Variants in DPF3 observed in about 807,000 individuals in gnomAD.
DPF3 encodes the protein double PHD fingers 3, also known as zinc finger protein DPF3.
In DPF3, 18 loss-of-function variants were observed where a neutral mutation model predicts 56.8. The observed-to-expected ratio is 0.32, with a 90% CI of 0.22 to 0.47. The LOEUF is 0.47. Among genes scored for constraint, DPF3 ranks in the 20% least tolerant of loss-of-function variants. The pLI, the probability that DPF3 is intolerant of heterozygous loss-of-function variation, is 1.00. For missense variants in DPF3, 403 were observed against 488.8 expected (o/e 0.82, Z 1.65); for synonymous variants, 188 against 180.2 (o/e 1.04, Z -0.35).
At chr14:72,656,953 T>C (rs1567191090) in intron 8 of DPF3, among the ~76,000 whole-genome samples, 1 of 152,168 alleles carries the variant, frequency 6.6e-6, no homozygotes, top group African/African-American at 2.4e-5. Context: ...CATGTGCAAC[T>C]AGTAAGAAGG....
At chr14:72,805,928 T>A (rs1027697928) in intron 1 of DPF3, 67 of 152,304 alleles carry the variant, frequency 4.4e-4, no homozygotes, top group African/African-American at 1.6e-3. Context: ...GGGCTCTCTC[T>A]AATGGGGACC....
chr14:72,635,508 A>G (rs554550525), intron 8 of DPF3, among the ~76,000 whole-genome samples: 5 of 152,230 alleles, frequency 3.3e-5, no homozygotes, highest in Non-Finnish European at 7.3e-5. Context: ...TGTTAGTTTC[A>G]TATTCACAGC....
chr14:72,673,965 G>A (rs933106365), intron 8 of DPF3: 17 of 395,176 alleles, frequency 4.3e-5, no homozygotes, highest in Admixed American at 8.5e-5. Flanking sequence ...GCTGTGGTCC[G>A]TAAAAACACG....
chr14:72,651,774 C>T (rs10140582), intron 8 of DPF3, among the ~76,000 whole-genome samples: 1,636 of 152,292 alleles, frequency 0.011, 33 homozygotes, highest in African/African-American at 0.037. Flanking sequence ...TTGCTCTCCT[C>T]CTGACAGTCT....
intron 1 of DPF3, among the ~76,000 whole-genome samples, chr14:72,782,084 A>G (rs944692346): frequency 1.3e-5 from 2 of 152,122 alleles, no homozygotes; most frequent in Non-Finnish European, 2.9e-5. Context: ...ATTCTTAGAC[A>G]AACAGATCCC....
At chr14:72,644,752 A>C (rs1885666640) in intron 8 of DPF3, among the ~76,000 whole-genome samples, 1 of 152,216 alleles carries the variant, frequency 6.6e-6, no homozygotes, top group Non-Finnish European at 1.5e-5. Context: ...AGCAGTGACA[A>C]ACTCCATTCC....
intron 1 of DPF3, among the ~76,000 whole-genome samples, chr14:72,825,924 C>T (rs928066083): frequency 6.6e-6 from 1 of 152,108 alleles, no homozygotes; most frequent in Admixed American, 6.5e-5. Flanking sequence ...AAAAGTCTGC[C>T]CTTCTCAGAG....
At chr14:72,803,009 C>T (rs534333282) in intron 1 of DPF3, among the ~76,000 whole-genome samples, 3 of 152,330 alleles carry the variant, frequency 2.0e-5, no homozygotes, top group Admixed American at 6.5e-5. Context: ...TCCACCTACC[C>T]GCCCCTTGTC....
rs904020830 is a variant in DPF3, at chr14:72,609,870, T to C, written c.*9427A>G. On this transcript the variant is annotated 3_prime_UTR_variant, in exon 11 of 11. Coordinates refer to ENST00000556509, the MANE Select transcript of DPF3 (RefSeq NM_001280542.3). The stretch of plus-strand genomic sequence containing the variant: ...CTCATGAAAGCTGTGTCAGACTCAG[T>C]CCTGGTCTGAAGTACCAAAGCAGCC... Among the ~76,000 whole-genome samples, 3 of 152,230 alleles carry C rather than the reference T, an allele frequency of 2.0e-5. No individual in the cohort carries two copies. Among genetic ancestry groups the C allele is most frequent in the Non-Finnish European group, 4.4e-5 (3 of 68,036 alleles).
chr14:72,835,728 C>T (rs925620804), intron 1 of DPF3, among the ~76,000 whole-genome samples: 4 of 152,134 alleles, frequency 2.6e-5, no homozygotes, highest in Admixed American at 1.3e-4. Context: ...ACTCTGTGCT[C>T]GGGCCGCCTC....
intron 1 of DPF3, among the ~76,000 whole-genome samples, chr14:72,884,408 G>T (rs1461082781): frequency 6.6e-6 from 1 of 152,062 alleles, no homozygotes; most frequent in Non-Finnish European, 1.5e-5. Flanking sequence ...AGGTATTATT[G>T]ACTGCCTGAG....
In DPF3 at chr14:72,619,078, C is replaced by T. The variant is rs1884258140; in HGVS notation, c.*219G>A. Among the ~76,000 whole-genome samples, 2 of 152,194 alleles carry T rather than the reference C, an allele frequency of 1.3e-5. No individual in the cohort carries two copies. Among genetic ancestry groups the T allele is most frequent in the Admixed American group, 6.5e-5 (1 of 15,282 alleles). On this transcript the variant is annotated 3_prime_UTR_variant, in exon 11 of 11. Coordinates refer to ENST00000556509, the MANE Select transcript of DPF3 (RefSeq NM_001280542.3). ...TGTTCTCCCAAAGTGCAACTTCCTT[C>T]CGGTAGAGACAAGGAGGTGCTGGCT... is the stretch of plus-strand genomic sequence containing the variant.
At chr14:72,670,024 AG>A (rs201155174) in intron 8 of DPF3, 13,224 of 985,944 alleles carry the variant, frequency 0.013, 105 homozygotes, top group Non-Finnish European at 0.015. Flanking sequence ...CCATCGCCCC[AG>A]GGGCCTTGAG....
chr14:72,705,576 A>C (rs113875558), intron 6 of DPF3, among the ~76,000 whole-genome samples: 79 of 152,130 alleles, frequency 5.2e-4, no homozygotes, highest in African/African-American at 1.9e-3. Flanking sequence ...GGCTCTAAGC[A>C]CCTCAGCCTG....
intron 1 of DPF3, among the ~76,000 whole-genome samples, chr14:72,893,495 G>A (rs1014148493): frequency 1.3e-5 from 2 of 152,120 alleles, no homozygotes; most frequent in African/African-American, 4.8e-5. Context: ...ACTCCGGAAG[G>A]TTTGCACAAA....
chr14:72,768,613 T>C (rs945558509), intron 2 of DPF3, among the ~76,000 whole-genome samples: 4 of 152,202 alleles, frequency 2.6e-5, no homozygotes, highest in Non-Finnish European at 4.4e-5. Flanking sequence ...CAGTCACAAT[T>C]GCAATTATTA....
chr14:72,853,445 T>C (rs1443580722), intron 1 of DPF3: 1 of 150,474 alleles, frequency 6.6e-6, no homozygotes, highest in African/African-American at 2.4e-5. Context: ...AGTAAGCCAG[T>C]AGAATTTAGA....
chr14:72,677,286 T>C (rs1334747498), intron 7 of DPF3, among the ~76,000 whole-genome samples: 1 of 152,228 alleles, frequency 6.6e-6, no homozygotes, highest in African/African-American at 2.4e-5. Context: ...CTACTCTTTC[T>C]TACAACAGTG....
At chr14:72,715,279 A>G (rs936214798) in intron 5 of DPF3, among the ~76,000 whole-genome samples, 1 of 152,176 alleles carries the variant, frequency 6.6e-6, no homozygotes, top group African/African-American at 2.4e-5. Context: ...ACCTTCAAGA[A>G]TCAAAGAGCC....
Sources: allele counts gnomAD v4.1 joint callset (sites outside exome capture counted in the v4.1 genomes callset), GRCh38; gene constraint gnomAD v4.1.1; transcripts MANE v1.5; gene names NCBI Gene and HGNC (gene_info 2026-07-23, HGNC 2026-07-21).